MTRF1: variants seen among roughly 807,000 people sequenced by gnomAD.
MTRF1 encodes the protein mitochondrial translation release factor 1.
In MTRF1, 51 loss-of-function variants were observed where a neutral mutation model predicts 62.9. The ratio of observed to expected loss-of-function variants is 0.81; its 90% CI spans 0.65 to 1.02. The LOEUF (loss-of-function observed/expected upper bound fraction) is 1.02. Among genes scored for constraint, MTRF1 ranks in the 50% least tolerant of loss-of-function variants. The probability of loss-of-function intolerance (pLI) is 0.00; values close to 1 mark genes in which losing one functional copy is unlikely to be tolerated. For synonymous variants in MTRF1, 158 were observed against 181.9 expected, an observed-to-expected ratio of 0.87 and a Z score of 1.06; for missense variants, 446 against 530.0, an observed-to-expected ratio of 0.84 and a Z score of 1.56.
At chr13:41,227,045 T>C (rs1406662112) in intron 7 of MTRF1, among the ~76,000 whole-genome samples, 1 of 151,958 alleles carries the variant, frequency 6.6e-6, no homozygotes, top group African/African-American at 2.4e-5. Flanking sequence ...AATCCGAGGA[T>C]TTTGGGAAGG....
At chr13:41,260,427 G>A (rs1296935171) in intron 2 of MTRF1, 66 bp downstream of exon 2, 28 of 1,263,018 alleles carry the variant, frequency 2.2e-5, no homozygotes, top group South Asian at 8.6e-5. Context: ...TTACACACAC[G>A]CATATAAGTG....
intron 5 of MTRF1, among the ~76,000 whole-genome samples, chr13:41,248,869 T>C (rs967063223): frequency 9.2e-5 from 14 of 152,224 alleles, no homozygotes; most frequent in African/African-American, 2.2e-4. Flanking sequence ...TACAGATCAA[T>C]AGTGTCAGAC....
intron 7 of MTRF1, 151 bp from the exon 8 acceptor site, chr13:41,226,719 T>C (rs2034498082): frequency 1.1e-6 from 1 of 880,406 alleles, no homozygotes; most frequent in Non-Finnish European, 1.7e-6. Flanking sequence ...CTAGCTGGGT[T>C]ATGATTATAG....
intron 7 of MTRF1, among the ~76,000 whole-genome samples, chr13:41,226,925 C>T (rs913979126): frequency 6.6e-6 from 1 of 152,186 alleles, no homozygotes; most frequent in African/African-American, 2.4e-5. Context: ...GCTCCATTCT[C>T]TGTCCAACTC....
At chr13:41,233,831 C>T (rs1333955321) in intron 7 of MTRF1, 59 bp downstream of exon 7, 2 of 1,360,298 alleles carry the variant, frequency 1.5e-6, no homozygotes, top group African/African-American at 2.9e-5. Context: ...CTATTTCCTT[C>T]CAAATGCTGA....
chr13:41,289,457 C>G, the MTRF1 span, among the ~76,000 whole-genome samples: 2 of 152,048 alleles, frequency 1.3e-5, no homozygotes. Flanking sequence ...AGGCTGGTCT[C>G]GAACTCCTGC....
At chr13:41,275,700 C>T in the MTRF1 span, among the ~76,000 whole-genome samples, 1 of 151,660 alleles carries the variant, frequency 6.6e-6, no homozygotes, top group African/African-American at 2.4e-5. Flanking sequence ...ACCATGTTGG[C>T]CAGGCTGGTC....
At chr13:41,308,915 C>G in the MTRF1 span, among the ~76,000 whole-genome samples, 1 of 152,150 alleles carries the variant, frequency 6.6e-6, no homozygotes, top group African/African-American at 2.4e-5. Flanking sequence ...CTACTGTTCC[C>G]TTATTTGTGT....
chr13:41,256,874 G>A (rs1477615492), intron 2 of MTRF1, among the ~76,000 whole-genome samples: 8 of 152,142 alleles, frequency 5.3e-5, no homozygotes, highest in Admixed American at 3.9e-4. Context: ...TCATGCTGCA[G>A]AAGATAGAAA....
chr13:41,257,629 C>A (rs895156554), intron 2 of MTRF1: 4 of 204,222 alleles, frequency 2.0e-5, no homozygotes, highest in Non-Finnish European at 4.4e-5. Flanking sequence ...GAGACCTCAT[C>A]TTTACTAAAA....
At chr13:41,226,945 T>C (rs1593618871) in intron 7 of MTRF1, among the ~76,000 whole-genome samples, 1 of 152,330 alleles carries the variant, frequency 6.6e-6, no homozygotes, top group African/African-American at 2.4e-5. Context: ...CAAGAAGAAC[T>C]TGCCTTTTCC....
the MTRF1 span, among the ~76,000 whole-genome samples, chr13:41,289,565 ACAGT>A: frequency 6.6e-6 from 1 of 152,308 alleles, no homozygotes; most frequent in South Asian, 2.1e-4. Context: ...ACAACTGGTG[ACAGT>A]CAGCTCAGTG....
chr13:41,225,107 G>A (rs4942025), intron 8 of MTRF1, among the ~76,000 whole-genome samples: 79,690 of 151,108 alleles, frequency 0.53, 21,765 homozygotes, highest in South Asian at 0.62. Flanking sequence ...AGCCACTCGG[G>A]AAGCTGAGGC....
At chr13:41,225,933 T>C (rs2034341550) in intron 8 of MTRF1, among the ~76,000 whole-genome samples, 1 of 152,034 alleles carries the variant, frequency 6.6e-6, no homozygotes, top group Non-Finnish European at 1.5e-5. Context: ...ATCATATATA[T>C]TGTACAAAAT....
chr13:41,283,067 C>T, the MTRF1 span, among the ~76,000 whole-genome samples: 1 of 152,214 alleles, frequency 6.6e-6, no homozygotes, highest in African/African-American at 2.4e-5. Flanking sequence ...AGGATGATGT[C>T]CATTCACCTT....
At chr13:41,292,620 T>A in the MTRF1 span, among the ~76,000 whole-genome samples, 1 of 151,356 alleles carries the variant, frequency 6.6e-6, no homozygotes, top group Non-Finnish European at 1.5e-5. Flanking sequence ...CAAACTCATT[T>A]GAAACTGAAA....
At chr13:41,310,990 A>T in the MTRF1 span, among the ~76,000 whole-genome samples, 1 of 152,374 alleles carries the variant, frequency 6.6e-6, no homozygotes, top group East Asian at 1.9e-4. Flanking sequence ...AAGGAGAAGC[A>T]GACAATAAGT....
chr13:41,225,614 T>A (rs1248847831), intron 8 of MTRF1, among the ~76,000 whole-genome samples: 1 of 152,066 alleles, frequency 6.6e-6, no homozygotes, highest in African/African-American at 2.4e-5. Flanking sequence ...AGACAATTCA[T>A]TATCCTAAAA....
At chr13:41,246,331 ATG>A (rs1158822058) in intron 5 of MTRF1, among the ~76,000 whole-genome samples, 8 of 151,856 alleles carry the variant, frequency 5.3e-5, no homozygotes, top group Non-Finnish European at 8.8e-5. Context: ...TAGTTGCTAT[ATG>A]TGTTTTTGCA....
Sources: gnomAD v4.1 joint callset for allele counts (sites outside exome capture counted in the v4.1 genomes callset) on GRCh38, gnomAD v4.1.1 for gene constraint, MANE v1.5 for transcripts, NCBI Gene and HGNC (gene_info 2026-07-23, HGNC 2026-07-21) for gene names.